The following SPATA6L variants were observed in gnomAD, a reference collection of about 807,000 sequenced individuals.
SPATA6L encodes the protein spermatogenesis associated 6-like protein.
SPATA6L carries 68 observed loss-of-function variants against 49.2 expected under a neutral mutation model. That is an observed-to-expected ratio of 1.38 (90% CI 1.14 to 1.69). The LOEUF is 1.69. SPATA6L is among the 40% of genes most tolerant of loss of function. The probability of loss-of-function intolerance (pLI) is 0.00; values close to 1 mark genes in which losing one functional copy is unlikely to be tolerated. For missense variants in SPATA6L, 668 were observed against 464.3 expected, an observed-to-expected ratio of 1.44 and a Z score of -4.03; for synonymous variants, 198 against 165.7, an observed-to-expected ratio of 1.19 and a Z score of -1.50.
intron 6 of SPATA6L, 193 bp downstream of exon 6, chr9:4,625,134 T>C (rs1224722387): frequency 9.8e-7 from 1 of 1,019,252 alleles, no homozygotes; most frequent in Non-Finnish European, 1.3e-6. Context: ...GTCCCCTGTA[T>C]AAGGTACCTT....
At chr9:4,610,616 C>G (rs1376375958) in intron 9 of SPATA6L, among the ~76,000 whole-genome samples, 3 of 151,550 alleles carry the variant, frequency 2.0e-5, no homozygotes, top group African/African-American at 4.9e-5. Context: ...GAAACTGGAT[C>G]CCTTCCTTAC....
At chr9:4,619,242 C>T (rs747538105) in intron 7 of SPATA6L, among the ~76,000 whole-genome samples, 24 of 148,682 alleles carry the variant, frequency 1.6e-4, no homozygotes, top group Non-Finnish European at 3.2e-4. Context: ...ACTGCAATCT[C>T]CGCCTCCCAG....
At chr9:4,618,995 G>C in intron 7 of SPATA6L, 97 bp from the exon 8 acceptor site, 2 of 1,094,232 alleles carry the variant, frequency 1.8e-6, no homozygotes, top group Non-Finnish European at 2.7e-6. Flanking sequence ...AAAAATTTTA[G>C]ACAATGAATT....
At chr9:4,606,269 G>T (rs182486495) in intron 9 of SPATA6L, among the ~76,000 whole-genome samples, 5 of 107,394 alleles carry the variant, frequency 4.7e-5, no homozygotes, top group Admixed American at 1.0e-4. Context: ...CAAAGCAGCC[G>T]GAAGCTCCAA....
chr9:4,660,457 A>G (rs927135493), intron 2 of SPATA6L, among the ~76,000 whole-genome samples: 1 of 152,258 alleles, frequency 6.6e-6, no homozygotes, highest in Non-Finnish European at 1.5e-5. Flanking sequence ...GTCATCAGAG[A>G]AATACAAATC....
intron 6 of SPATA6L, among the ~76,000 whole-genome samples, chr9:4,624,769 T>C (rs12343029): frequency 0.012 from 1,737 of 150,598 alleles, 24 homozygotes; most frequent in African/African-American, 0.038. Flanking sequence ...CTAAGAGAAC[T>C]AGTGTGACTA....
At position 4,661,904 on chromosome 9, in the gene SPATA6L, C is replaced by G. The variant is rs767480930; in HGVS notation, c.172G>C (p.Glu58Gln). 6.2e-7 allele frequency: 1 copy of G among 1,613,530 alleles called. No individual in the cohort carries two copies. The highest frequency in any genetic ancestry group is 8.5e-7 in the Non-Finnish European group (1 of 1,179,654). ...PIMIQESMRF[E>Q]KVFESAVDPG... ...AATGAGAAAGTCAAGATCACCTTTT[C>G]AAATCTCATGCTCTCCTGAATCATA... The change falls in exon 2 of 12, where the codon GAA (glutamate) becomes CAA (glutamine). Residue 58 changes from glutamate to glutamine, a missense_variant. By Grantham distance (29) the Glu-to-Gln change is conservative. Coordinates refer to ENST00000682582, the MANE Select transcript of SPATA6L (RefSeq NM_001353486.2).
chr9:4,641,633 A>C (rs976814724), intron 3 of SPATA6L, among the ~76,000 whole-genome samples: 1 of 152,218 alleles, frequency 6.6e-6, no homozygotes, highest in Non-Finnish European at 1.5e-5. Flanking sequence ...TGGTTAGCCA[A>C]ATTCATGGAT....
At position 4,662,563 on chromosome 9, in the gene SPATA6L, G is replaced by T. The variant is rs1371162768; in HGVS notation, c.40-527C>A. 2 of 1,584,828 alleles carry T rather than the reference G, an allele frequency of 1.3e-6. No homozygotes were observed. The highest frequency in any genetic ancestry group is 2.2e-5 in the South Asian group (2 of 89,146). On this transcript the variant is annotated intron_variant, in intron 1 of 11. Coordinates refer to ENST00000682582, the MANE Select transcript of SPATA6L (RefSeq NM_001353486.2). The surrounding 1 kb of genome is among the most constrained non-coding windows in gnomAD (Gnocchi z 4.9). ...TGCGCCCGGCTCCGTGCATCGGAGA[G>T]CCCAGTTCACCGCCGCGGCTCCTTC...
intron 1 of SPATA6L, chr9:4,664,928 GGTTT>G (rs1269507914): frequency 1.2e-5 from 2 of 167,076 alleles, no homozygotes; most frequent in Non-Finnish European, 2.9e-5. Context: ...AAGTGGTTTG[GGTTT>G]GTTGTTTAAC....
intron 3 of SPATA6L, among the ~76,000 whole-genome samples, chr9:4,647,292 T>A (rs1197546692): frequency 1.3e-5 from 2 of 152,130 alleles, no homozygotes; most frequent in Non-Finnish European, 1.5e-5. Context: ...AAATTATACA[T>A]AAAATATAAC....
At chr9:4,650,133 C>G (rs1362982707) in intron 3 of SPATA6L, among the ~76,000 whole-genome samples, 2 of 152,188 alleles carry the variant, frequency 1.3e-5, no homozygotes, top group Non-Finnish European at 2.9e-5. Context: ...TATGCTACCT[C>G]TGTAGGTACT....
At chr9:4,623,134 G>T (rs531239608) in intron 6 of SPATA6L, among the ~76,000 whole-genome samples, 1 of 152,250 alleles carries the variant, frequency 6.6e-6, no homozygotes, top group East Asian at 1.9e-4. Context: ...ACAAAAATTA[G>T]CTGGGCTTGG....
intron 9 of SPATA6L, among the ~76,000 whole-genome samples, chr9:4,613,047 G>A (rs910710333): frequency 2.6e-5 from 4 of 152,084 alleles, no homozygotes; most frequent in African/African-American, 9.7e-5. Context: ...GGCTAAAGTA[G>A]TGAAACCCCA....
chr9:4,639,398 G>C (rs569705956), intron 3 of SPATA6L, among the ~76,000 whole-genome samples: 28 of 152,296 alleles, frequency 1.8e-4, no homozygotes, highest in African/African-American at 5.8e-4. Context: ...ATAAAAGTAA[G>C]AGGCTGGAAA....
intron 11 of SPATA6L, among the ~76,000 whole-genome samples, chr9:4,601,351 G>C (rs1823207028): frequency 7.3e-6 from 1 of 137,396 alleles, no homozygotes; most frequent in African/African-American, 2.7e-5. Context: ...ATAATCTGAG[G>C]GGTTTCTTTA....
At chr9:4,659,993 C>G (rs2057778671) in intron 2 of SPATA6L, among the ~76,000 whole-genome samples, 2 of 152,208 alleles carry the variant, frequency 1.3e-5, no homozygotes, top group South Asian at 4.1e-4. Flanking sequence ...AAAGCTGAAA[C>G]TGGATCCTTT....
intron 7 of SPATA6L, among the ~76,000 whole-genome samples, chr9:4,621,647 C>G (rs1201379756): frequency 6.6e-6 from 1 of 152,152 alleles, no homozygotes; most frequent in Non-Finnish European, 1.5e-5. Flanking sequence ...TGCCACCACG[C>G]CCGGCTAATT....
chr9:4,644,354 A>T (rs896403336), intron 3 of SPATA6L, among the ~76,000 whole-genome samples: 30 of 151,582 alleles, frequency 2.0e-4, no homozygotes, highest in African/African-American at 7.2e-4. Flanking sequence ...AAAAATATAT[A>T]TAAAAAATAA....
Sources: allele counts gnomAD v4.1 joint callset (sites outside exome capture counted in the v4.1 genomes callset), GRCh38; gene constraint gnomAD v4.1.1; non-coding constraint Gnocchi (gnomAD v3.1); transcripts MANE v1.5; gene names NCBI Gene and HGNC (gene_info 2026-07-23, HGNC 2026-07-21).